Variants in LHFPL3 observed in about 807,000 individuals in gnomAD.
LHFPL3 encodes the protein LHFPL tetraspan subfamily member 3.
Under a neutral mutation model 19.3 loss-of-function variants are expected in LHFPL3, and 5 were observed. The observed-to-expected ratio is 0.26, with a 90% CI of 0.14 to 0.54. The LOEUF (loss-of-function observed/expected upper bound fraction) is 0.54. Ranked by LOEUF, LHFPL3 falls within the 20% of genes least tolerant of loss-of-function variation. The pLI is 0.94. For missense variants in LHFPL3, 249 were observed against 307.4 expected, an observed-to-expected ratio of 0.81 and a Z score of 1.42; for synonymous variants, 133 against 126.2, an observed-to-expected ratio of 1.05 and a Z score of -0.36.
At chr7:104,525,764 G>A (rs113110144) in intron 1 of LHFPL3, among the ~76,000 whole-genome samples, 2,471 of 152,034 alleles carry the variant, frequency 0.016, 59 homozygotes, top group African/African-American at 0.057. Context: ...GTACCTCCAC[G>A]CCAGGCTAAT....
intron 1 of LHFPL3, among the ~76,000 whole-genome samples, chr7:104,492,102 A>G (rs17138074): frequency 0.065 from 9,882 of 152,292 alleles, 846 homozygotes; most frequent in African/African-American, 0.2. Context: ...ACCAAGAGTT[A>G]ATGTATTTTA....
chr7:104,606,383 C>A (rs759343937), intron 1 of LHFPL3, among the ~76,000 whole-genome samples: 8 of 152,220 alleles, frequency 5.3e-5, no homozygotes, highest in South Asian at 2.1e-4. Flanking sequence ...TGTCTACAGA[C>A]AACACCTAGC....
chr7:104,773,662 C>T (rs34255502), intron 2 of LHFPL3, among the ~76,000 whole-genome samples: 36,054 of 152,146 alleles, frequency 0.24, 4,596 homozygotes, highest in East Asian at 0.35. Flanking sequence ...TGCAGTAGGG[C>T]AGGCCCCTGG....
chr7:104,575,570 A>AC (rs1242974494), intron 1 of LHFPL3, among the ~76,000 whole-genome samples: 6 of 148,732 alleles, frequency 4.0e-5, no homozygotes, highest in African/African-American at 1.5e-4. Context: ...AAAAAAAAAA[A>AC]AAAAAAAAAA....
At chr7:104,514,315 T>C (rs1221892756) in intron 1 of LHFPL3, among the ~76,000 whole-genome samples, 4 of 151,884 alleles carry the variant, frequency 2.6e-5, no homozygotes, top group Non-Finnish European at 5.9e-5. Flanking sequence ...CCTCTTAGGC[T>C]ACCATGAACT....
chr7:104,766,310 A>G (rs867851329), intron 2 of LHFPL3, among the ~76,000 whole-genome samples: 39 of 152,346 alleles, frequency 2.6e-4, no homozygotes, highest in Middle Eastern at 6.8e-3. Context: ...AGAGGCCAAT[A>G]TAAGGAGCAC....
chr7:104,625,798 G>T (rs1237972756), intron 1 of LHFPL3, among the ~76,000 whole-genome samples: 2 of 152,052 alleles, frequency 1.3e-5, no homozygotes, highest in Admixed American at 1.3e-4. Flanking sequence ...ACTCTTCCTT[G>T]GGGTCTTTTA....
At chr7:104,700,094 A>G (rs1793073991) in intron 1 of LHFPL3, among the ~76,000 whole-genome samples, 1 of 152,220 alleles carries the variant, frequency 6.6e-6, no homozygotes, top group South Asian at 2.1e-4. Context: ...CCCACCATCC[A>G]ACAACTCTAG....
chr7:104,691,798 C>G (rs1792910257), intron 1 of LHFPL3, among the ~76,000 whole-genome samples: 1 of 152,154 alleles, frequency 6.6e-6, no homozygotes, highest in Non-Finnish European at 1.5e-5. Context: ...TTGGAGGGCT[C>G]AGAAGACAGG....
At position 104,438,689 on chromosome 7, in the gene LHFPL3, A is replaced by G. The variant is rs375805533; in HGVS notation, c.445+109465A>G. ...AATGATTTAAGTTTCCTTGTCAAGA[A>G]GGTAAAAAAAAAGATAAGCAAACAA... On this transcript the variant is annotated intron_variant, in intron 1 of 2. Coordinates refer to ENST00000424859, the MANE Select transcript of LHFPL3 (RefSeq NM_199000.3). 6.6e-5 allele frequency among the ~76,000 whole-genome samples: 10 copies of G among 152,278 alleles called. 1 individual carries two copies. The South Asian group carries it at 2.1e-3, about 32-fold the overall frequency.
At chr7:104,647,852 C>A (rs1670426462) in intron 1 of LHFPL3, among the ~76,000 whole-genome samples, 1 of 152,220 alleles carries the variant, frequency 6.6e-6, no homozygotes, top group African/African-American at 2.4e-5. Flanking sequence ...TAGACTCCTG[C>A]TGACAATTCG....
At chr7:104,805,213 C>T (rs774188602) in intron 2 of LHFPL3, among the ~76,000 whole-genome samples, 2 of 152,322 alleles carry the variant, frequency 1.3e-5, no homozygotes, top group South Asian at 4.1e-4. Context: ...CAGGACTTAA[C>T]CCAAAAGAAA....
intron 1 of LHFPL3, among the ~76,000 whole-genome samples, chr7:104,492,433 A>T (rs1167894456): frequency 6.6e-6 from 1 of 152,216 alleles, no homozygotes. Flanking sequence ...GGATCTGTTC[A>T]AGACATGTCA....
intron 1 of LHFPL3, among the ~76,000 whole-genome samples, chr7:104,699,286 A>C (rs942209356): frequency 1.3e-5 from 2 of 152,266 alleles, no homozygotes; most frequent in African/African-American, 4.8e-5. Context: ...TGAAGCATCC[A>C]TCAATAGATG....
chr7:104,876,635 G>A (rs1485802992), intron 2 of LHFPL3, among the ~76,000 whole-genome samples: 4 of 151,780 alleles, frequency 2.6e-5, no homozygotes, highest in East Asian at 3.9e-4. Flanking sequence ...AACAGGTGCT[G>A]GAGAGGATGT....
chr7:104,404,769 AGACACCTAT>A (rs754526352), intron 1 of LHFPL3, among the ~76,000 whole-genome samples: 12 of 152,208 alleles, frequency 7.9e-5, no homozygotes, highest in Non-Finnish European at 1.3e-4. Context: ...GCTAATAACC[AGACACCTAT>A]GAACTTAGCT....
intron 1 of LHFPL3, among the ~76,000 whole-genome samples, chr7:104,614,927 A>T (rs918611620): frequency 2.6e-5 from 4 of 151,074 alleles, no homozygotes; most frequent in Non-Finnish European, 5.9e-5. Flanking sequence ...ATTTTTAAAA[A>T]TTTTTTCATA....
At chr7:104,496,656 C>A (rs1019967459) in intron 1 of LHFPL3, among the ~76,000 whole-genome samples, 2 of 152,034 alleles carry the variant, frequency 1.3e-5, no homozygotes, top group Admixed American at 1.3e-4. Flanking sequence ...TTTTAATGAT[C>A]GCCATTCTAA....
chr7:104,694,760 TA>T (rs1792967467), intron 1 of LHFPL3, among the ~76,000 whole-genome samples: 1 of 152,158 alleles, frequency 6.6e-6, no homozygotes, highest in African/African-American at 2.4e-5. Context: ...GAAAGGCAGA[TA>T]TATTAGAGAA....
Sources: gnomAD v4.1 joint callset for allele counts (sites outside exome capture counted in the v4.1 genomes callset) on GRCh38, gnomAD v4.1.1 for gene constraint, MANE v1.5 for transcripts, NCBI Gene and HGNC (gene_info 2026-07-23, HGNC 2026-07-21) for gene names.